Variants in LAMA2 observed in about 807,000 individuals in gnomAD.
LAMA2 encodes the protein laminin subunit alpha-2.
LAMA2 carries 269 observed loss-of-function variants against 364.8 expected under a neutral mutation model. The observed-to-expected ratio is 0.74, with a 90% confidence interval of 0.67 to 0.82. The LOEUF is 0.82. Ranked by LOEUF, LAMA2 falls within the 40% of genes least tolerant of loss-of-function variation. The pLI is 0.00. For missense variants in LAMA2, 3,807 were observed against 3,873.2 expected, an observed-to-expected ratio of 0.98 and a Z score of 0.45; for synonymous variants, 1,379 against 1,370.6, an observed-to-expected ratio of 1.01 and a Z score of -0.14.
chr6:129,498,819 C>T (rs1232678539), intron 58 of LAMA2, among the ~76,000 whole-genome samples: 6 of 152,164 alleles, frequency 3.9e-5, no homozygotes, highest in African/African-American at 7.2e-5. Flanking sequence ...TGCTTATCAA[C>T]GAATCATACG....
At chr6:129,131,637 T>A in intron 4 of LAMA2, among the ~76,000 whole-genome samples, 1 of 152,226 alleles carries the variant, frequency 6.6e-6, no homozygotes, top group East Asian at 1.9e-4. Flanking sequence ...GCTGTACAGA[T>A]GTCGAGGTGC....
At chr6:129,271,518 A>G (rs555616510) in intron 17 of LAMA2, among the ~76,000 whole-genome samples, 124 of 134,574 alleles carry the variant, frequency 9.2e-4, no homozygotes, top group Non-Finnish European at 1.3e-3. Flanking sequence ...TGCCCAGGCT[A>G]GAGTGCAGTG....
At chr6:129,516,080 TA>T in intron 64 of LAMA2, 109 bp from the exon 65 acceptor site, 2 of 1,220,914 alleles carry the variant, frequency 1.6e-6, no homozygotes, top group Non-Finnish European at 2.4e-6. Flanking sequence ...TAACTTTGCA[TA>T]AAACAGCATT....
chr6:128,980,424 G>A (rs893223036), intron 1 of LAMA2, among the ~76,000 whole-genome samples: 1 of 152,132 alleles, frequency 6.6e-6, no homozygotes, highest in Non-Finnish European at 1.5e-5. Context: ...TGAAATTTTT[G>A]TAGGGTACGC....
intron 50 of LAMA2, 96 bp from the exon 51 acceptor site, chr6:129,465,049 A>T: frequency 1.0e-6 from 1 of 956,952 alleles, no homozygotes; most frequent in Non-Finnish European, 1.7e-6. Flanking sequence ...TCAGCAATTT[A>T]GCCACAAGAC....
At chr6:129,371,765 C>T (rs933226731) in intron 34 of LAMA2, among the ~76,000 whole-genome samples, 1 of 152,000 alleles carries the variant, frequency 6.6e-6, no homozygotes, top group Non-Finnish European at 1.5e-5. Context: ...TGCCACCACA[C>T]CTGGCTAATT....
At chr6:129,066,974 A>C (rs551804895) in intron 3 of LAMA2, among the ~76,000 whole-genome samples, 1 of 152,350 alleles carries the variant, frequency 6.6e-6, no homozygotes, top group Non-Finnish European at 1.5e-5. Context: ...GAAAGAAAAC[A>C]CAGGGGAAAA....
chr6:129,183,178 G>A (rs557455071), intron 10 of LAMA2, among the ~76,000 whole-genome samples: 1 of 152,070 alleles, frequency 6.6e-6, no homozygotes, highest in Admixed American at 6.6e-5. Context: ...GTCAATCTCA[G>A]ATATATGACA....
At chr6:129,238,655 A>G (rs922618379) in intron 12 of LAMA2, among the ~76,000 whole-genome samples, 4 of 152,140 alleles carry the variant, frequency 2.6e-5, no homozygotes, top group African/African-American at 9.7e-5. Flanking sequence ...AAAGGAATAT[A>G]TAAATCAAGG....
intron 40 of LAMA2, among the ~76,000 whole-genome samples, chr6:129,412,175 G>A (rs1182554097): frequency 1.3e-5 from 2 of 152,118 alleles, no homozygotes; most frequent in African/African-American, 4.8e-5. Flanking sequence ...TGACTCATGA[G>A]ATTGTGGGGT....
intron 33 of LAMA2, 87 bp from the exon 34 acceptor site, chr6:129,369,805 C>T: frequency 8.9e-7 from 1 of 1,122,438 alleles, no homozygotes; most frequent in South Asian, 1.2e-5. Flanking sequence ...AGGCTAAGTT[C>T]CTTTTATATA....
intron 55 of LAMA2, among the ~76,000 whole-genome samples, chr6:129,485,090 T>C (rs1784530153): frequency 6.6e-6 from 1 of 152,208 alleles, no homozygotes; most frequent in Non-Finnish European, 1.5e-5. Context: ...ATTTTTTTGT[T>C]TATCTTGAAA....
chr6:129,021,368 G>T (rs1296434945), intron 1 of LAMA2, among the ~76,000 whole-genome samples: 1 of 152,120 alleles, frequency 6.6e-6, no homozygotes, highest in African/African-American at 2.4e-5. Context: ...AAATTATTCT[G>T]ATGCTAAAAT....
intron 9 of LAMA2, among the ~76,000 whole-genome samples, chr6:129,167,694 G>A (rs953615424): frequency 3.9e-5 from 6 of 152,132 alleles, no homozygotes; most frequent in Non-Finnish European, 8.8e-5. Flanking sequence ...GGATGGCTGG[G>A]TCAAAGGGTA....
At position 129,032,125 on chromosome 6, in the gene LAMA2, T is replaced by C. The variant is rs942958409; in HGVS notation, c.113-17793T>C. Among the ~76,000 whole-genome samples the C allele has an allele frequency of 2.0e-5, 3 of 152,338 alleles. No individual in the cohort carries two copies. The South Asian group carries it at 6.2e-4, about 32-fold the overall frequency. The stretch of plus-strand genomic sequence containing the variant: ...GAGCCACCAGGCCCATCCTCTGATA[T>C]GAATTTCTTATTGGAGAATCCCTTT... On this transcript the variant is annotated intron_variant, in intron 1 of 64. Coordinates refer to ENST00000421865, the MANE Select transcript of LAMA2 (RefSeq NM_000426.4).
intron 52 of LAMA2, among the ~76,000 whole-genome samples, chr6:129,473,990 T>A (rs1237216514): frequency 6.6e-6 from 1 of 152,074 alleles, no homozygotes; most frequent in Non-Finnish European, 1.5e-5. Flanking sequence ...TTACTGCTCA[T>A]TATAAAACAT....
At chr6:128,996,439 A>C (rs548660937) in intron 1 of LAMA2, among the ~76,000 whole-genome samples, 1 of 152,352 alleles carries the variant, frequency 6.6e-6, no homozygotes, top group African/African-American at 2.4e-5. Context: ...CACAAGAAAA[A>C]GCAACCCCAT....
intron 18 of LAMA2, among the ~76,000 whole-genome samples, chr6:129,283,052 C>T (rs1299066501): frequency 6.6e-6 from 1 of 152,062 alleles, no homozygotes; most frequent in Non-Finnish European, 1.5e-5. Flanking sequence ...ACACTAGTTA[C>T]AGCTTGGAAA....
chr6:129,493,473 G>T (rs919041867), intron 58 of LAMA2, among the ~76,000 whole-genome samples: 1 of 152,162 alleles, frequency 6.6e-6, no homozygotes, highest in Non-Finnish European at 1.5e-5. Flanking sequence ...TGCTTTCAGG[G>T]TGATTTGGCC....
Sources: allele counts gnomAD v4.1 joint callset (sites outside exome capture counted in the v4.1 genomes callset), GRCh38; gene constraint gnomAD v4.1.1; transcripts MANE v1.5; gene names NCBI Gene and HGNC (gene_info 2026-07-23, HGNC 2026-07-21).